LSM12: variants seen among roughly 807,000 people sequenced by gnomAD.
The protein encoded by LSM12 is protein LSM12.
For synonymous variants in LSM12, 74 were observed against 87.3 expected, an observed-to-expected ratio of 0.85 and a Z score of 0.85; for missense variants, 108 against 238.9, an observed-to-expected ratio of 0.45 and a Z score of 3.61.
chr17:44,059,837 C>G lies in LSM12; in HGVS notation c.258+3964G>C, dbSNP rs115212321. Among the ~76,000 whole-genome samples, 898 of 152,160 alleles carry G rather than the reference C, an allele frequency of 5.9e-3. 11 individuals are homozygous for G. Among genetic ancestry groups the G allele is most frequent in the African/African-American group, 0.02 (849 of 41,512 alleles). On this transcript the variant is annotated intron_variant, in intron 2 of 4. Coordinates refer to ENST00000293406, the MANE Select transcript of LSM12 (RefSeq NM_001371445.1). ...TTAAGCAGATCACTTACTATGTCAGCAAGATGGGCCAATATGTGATGATAC... is the reference window on the plus strand; with the variant it reads ...TTAAGCAGATCACTTACTATGTCAGGAAGATGGGCCAATATGTGATGATAC...
At chr17:44,041,284 AAAAC>A (rs761409125) in intron 2 of LSM12, among the ~76,000 whole-genome samples, 2 of 123,286 alleles carry the variant, frequency 1.6e-5, no homozygotes, top group African/African-American at 3.0e-5. Flanking sequence ...AAAAAAAAAA[AAAAC>A]AAACACACAC....
intron 2 of LSM12, among the ~76,000 whole-genome samples, chr17:44,061,941 G>A (rs887887492): frequency 6.6e-6 from 1 of 152,182 alleles, no homozygotes; most frequent in Admixed American, 6.5e-5. Flanking sequence ...AACAACTATG[G>A]CCAGGAGCGG....
At chr17:44,061,317 C>A (rs1384274541) in intron 2 of LSM12, among the ~76,000 whole-genome samples, 9 of 96,008 alleles carry the variant, frequency 9.4e-5, no homozygotes, top group Admixed American at 2.1e-4. Flanking sequence ...AACTCCATCT[C>A]AAAAAAAAAA....
intron 2 of LSM12, among the ~76,000 whole-genome samples, chr17:44,045,452 T>C (rs182349971): frequency 1.6e-3 from 239 of 152,352 alleles, no homozygotes; most frequent in Non-Finnish European, 3.0e-3. Context: ...TTTTGTTTCA[T>C]GTACCAATAG....
intron 1 of LSM12, among the ~76,000 whole-genome samples, chr17:44,064,460 T>A (rs1227314227): frequency 6.6e-6 from 1 of 152,144 alleles, no homozygotes; most frequent in African/African-American, 2.4e-5. Flanking sequence ...CAGGCTCACG[T>A]GATGGCTCAC....
chr17:44,057,035 A>G (rs939980890), intron 2 of LSM12, among the ~76,000 whole-genome samples: 2 of 151,364 alleles, frequency 1.3e-5, no homozygotes, highest in African/African-American at 4.9e-5. Context: ...GCGCACCTGT[A>G]CTCCCAGCTA....
chr17:44,049,168 G>GT lies in LSM12; in HGVS notation c.259-8913dup, dbSNP rs2049609911. ...CTTGTGCCACTGCACTCCAGCCTGT[G>GT]TGACAGAGACTCTGTCTTTAAAAAA... On this transcript the variant is annotated intron_variant, in intron 2 of 4. Transcript: ENST00000293406. Among the ~76,000 whole-genome samples, 4 of 152,156 alleles carry GT rather than the reference G, an allele frequency of 2.6e-5. No individual in the cohort carries two copies. The South Asian group carries it at 8.3e-4, about 31-fold the overall frequency.
intron 2 of LSM12, among the ~76,000 whole-genome samples, chr17:44,052,520 A>G (rs919201314): frequency 6.6e-6 from 1 of 152,092 alleles, no homozygotes; most frequent in African/African-American, 2.4e-5. Flanking sequence ...GAACTTTGGA[A>G]GGCTGAGGCA....
At chr17:44,055,507 C>CAAAA (rs893366294) in intron 2 of LSM12, among the ~76,000 whole-genome samples, 24 of 65,026 alleles carry the variant, frequency 3.7e-4, no homozygotes, top group Non-Finnish European at 3.7e-5. Context: ...ACCAAAAATA[C>CAAAA]AAAAAAAAAA....
intron 2 of LSM12, among the ~76,000 whole-genome samples, chr17:44,061,147 G>A (rs1020583416): frequency 1.5e-4 from 23 of 151,968 alleles, no homozygotes; most frequent in African/African-American, 5.5e-4. Flanking sequence ...GAGAAACCCC[G>A]TCTCTACTAA....
intron 2 of LSM12, 50 bp downstream of exon 2, chr17:44,063,751 C>T: frequency 1.9e-6 from 3 of 1,569,018 alleles, no homozygotes; most frequent in Non-Finnish European, 2.6e-6. Context: ...CTCAATGAGA[C>T]TCATCTTTCC....
At chr17:44,043,307 C>T (rs1230299987) in intron 2 of LSM12, among the ~76,000 whole-genome samples, 3 of 152,154 alleles carry the variant, frequency 2.0e-5, no homozygotes, top group African/African-American at 7.2e-5. Flanking sequence ...TGGAGAGAGA[C>T]AAATACAGCA....
intron 2 of LSM12, among the ~76,000 whole-genome samples, chr17:44,059,231 T>C (rs1312239012): frequency 6.6e-6 from 1 of 152,074 alleles, no homozygotes; most frequent in Non-Finnish European, 1.5e-5. Context: ...GCATTGTACA[T>C]TATTCAGGGT....
At chr17:44,037,593 C>G (rs1182429140) in intron 3 of LSM12, 55 bp from the exon 4 acceptor site, 49 of 1,521,706 alleles carry the variant, frequency 3.2e-5, no homozygotes, top group Non-Finnish European at 4.2e-5. Flanking sequence ...TCCCACATCT[C>G]CTGTCTGATG....
intron 2 of LSM12, among the ~76,000 whole-genome samples, chr17:44,047,449 G>T (rs577264565): frequency 3.3e-5 from 5 of 152,012 alleles, no homozygotes; most frequent in Non-Finnish European, 7.4e-5. Flanking sequence ...GTTTCACCAC[G>T]TTGGCCAGGC....
At chr17:44,046,767 T>A (rs1281946467) in intron 2 of LSM12, among the ~76,000 whole-genome samples, 2 of 142,950 alleles carry the variant, frequency 1.4e-5, no homozygotes, top group Admixed American at 1.4e-4. Flanking sequence ...TTCTTTTTTT[T>A]TTTTTTTTGC....
chr17:44,066,436 G>C, intron 1 of LSM12, 28 bp downstream of exon 1: 2 of 1,548,086 alleles, frequency 1.3e-6, no homozygotes, highest in Non-Finnish European at 1.7e-6. Flanking sequence ...CGCCGGCCCG[G>C]ACTCGGGCTT....
chr17:44,063,607 A>T (rs1261470080), intron 2 of LSM12, among the ~76,000 whole-genome samples, 194 bp downstream of exon 2: 1 of 152,230 alleles, frequency 6.6e-6, no homozygotes, highest in Non-Finnish European at 1.5e-5. Context: ...GAGTTAAGCT[A>T]CTTCTTAAGA....
chr17:44,037,687 C>A, intron 3 of LSM12, 149 bp from the exon 4 acceptor site: 1 of 881,910 alleles, frequency 1.1e-6, no homozygotes, highest in South Asian at 2.4e-5. Flanking sequence ...ATATAGTAGC[C>A]AAGAAACATT....
Sources: gnomAD v4.1 joint callset for allele counts (sites outside exome capture counted in the v4.1 genomes callset) on GRCh38, gnomAD v4.1.1 for gene constraint, MANE v1.5 for transcripts, NCBI Gene and HGNC (gene_info 2026-07-23, HGNC 2026-07-21) for gene names.